The following DYNC1I1 variants were observed in gnomAD, a reference collection of about 807,000 sequenced individuals.
DYNC1I1 encodes the protein dynein cytoplasmic 1 intermediate chain 1.
DYNC1I1 carries 43 observed loss-of-function variants against 86.6 expected under a neutral mutation model. The ratio of observed to expected loss-of-function variants is 0.50; its 90% CI spans 0.39 to 0.64. DYNC1I1 has a LOEUF of 0.64. Among genes scored for constraint, DYNC1I1 ranks in the 30% least tolerant of loss-of-function variants. The pLI is 0.00. For missense variants in DYNC1I1, 604 were observed against 788.8 expected (o/e 0.77, Z 2.81); for synonymous variants, 262 against 283.7 (o/e 0.92, Z 0.77).
At chr7:95,803,799 A>G (rs1794638947) in intron 1 of DYNC1I1, among the ~76,000 whole-genome samples, 1 of 152,190 alleles carries the variant, frequency 6.6e-6, no homozygotes, top group Admixed American at 6.6e-5. Context: ...TCATTTCTCA[A>G]GGTTTCCATT....
chr7:95,949,453 T>C (rs756430409), intron 6 of DYNC1I1, among the ~76,000 whole-genome samples: 2 of 152,252 alleles, frequency 1.3e-5, no homozygotes, highest in Non-Finnish European at 2.9e-5. Flanking sequence ...GTGAATTTAC[T>C]GCACATTTAA....
exon 17 of DYNC1I1, chr7:96,109,980 G>T (rs1016038900): frequency 2.7e-6 from 1 of 367,880 alleles, no homozygotes; most frequent in Non-Finnish European, 5.4e-6. Context: ...TGGACACAGG[G>T]TCTTGCTATG....
In DYNC1I1 at chr7:95,882,035, A is replaced by G. The variant is rs554475331; in HGVS notation, c.490+12037A>G. On this transcript the variant is annotated intron_variant, in intron 6 of 16. Coordinates refer to ENST00000447467, the MANE Select transcript of DYNC1I1 (RefSeq NM_001135556.2). Reference sequence around the variant, plus strand: ...ATTCATATGTATTTTTTTTATCTTCAGCAGAACCATTTAAAATTTCCTTCC... The same window carrying G: ...ATTCATATGTATTTTTTTTATCTTCGGCAGAACCATTTAAAATTTCCTTCC... 6.6e-5 allele frequency among the ~76,000 whole-genome samples: 10 copies of G among 152,222 alleles called. No homozygotes were observed. In the South Asian group the frequency reaches 2.1e-3, roughly 32 times the overall value.
At chr7:95,792,281 A>G (rs954560496) in intron 1 of DYNC1I1, among the ~76,000 whole-genome samples, 6 of 152,150 alleles carry the variant, frequency 3.9e-5, no homozygotes, top group African/African-American at 1.4e-4. Flanking sequence ...TTGTGCTGGG[A>G]TTTAGACATG....
chr7:95,977,711 A>G (rs559687992), intron 7 of DYNC1I1, 110 bp downstream of exon 7: 8 of 878,042 alleles, frequency 9.1e-6, no homozygotes, highest in South Asian at 6.5e-5. Flanking sequence ...CATCCCCTAT[A>G]TGGAAGATTT....
intron 5 of DYNC1I1, among the ~76,000 whole-genome samples, chr7:95,843,788 G>A (rs532526943): frequency 2.6e-5 from 4 of 152,210 alleles, no homozygotes; most frequent in South Asian, 4.1e-4. Context: ...AAATACATAC[G>A]GAAGTACCAA....
At chr7:95,818,585 A>T in intron 4 of DYNC1I1, 1 of 619,942 alleles carries the variant, frequency 1.6e-6, no homozygotes, top group Non-Finnish European at 2.9e-6. Context: ...AAGTGGTGGG[A>T]TCCTCCTGCC....
chr7:95,946,017 C>T (rs1337173217), intron 6 of DYNC1I1, among the ~76,000 whole-genome samples: 2 of 152,050 alleles, frequency 1.3e-5, no homozygotes, highest in African/African-American at 4.8e-5. Context: ...ATGGATGGAG[C>T]TGGAAGCCAT....
rs575054800 is a variant in DYNC1I1 at position 95,887,323 on chromosome 7, T to G, written c.490+17325T>G. ...AATCAAAGAGGATTCTAAAAACTAC[T>G]TCATTCTCCTGACTCTACACTTTAT... On this transcript the variant is annotated intron_variant, in intron 6 of 16. Transcript: ENST00000447467. 1.5e-4 allele frequency among the ~76,000 whole-genome samples: 23 copies of G among 152,176 alleles called. 1 individual carries two copies. The highest frequency in any genetic ancestry group is 2.6e-4 in the Non-Finnish European group (18 of 68,038).
intron 9 of DYNC1I1, among the ~76,000 whole-genome samples, chr7:95,990,342 C>T (rs1793700541): frequency 1.3e-5 from 2 of 152,214 alleles, no homozygotes; most frequent in Non-Finnish European, 2.9e-5. Context: ...GCATCTTCCA[C>T]TCCTGCAGTC....
intron 6 of DYNC1I1, among the ~76,000 whole-genome samples, chr7:95,909,463 G>A (rs1027232369): frequency 3.9e-5 from 6 of 151,990 alleles, no homozygotes; most frequent in African/African-American, 1.2e-4. Context: ...CACTACAGCC[G>A]GGGTTTCAGG....
intron 16 of DYNC1I1, among the ~76,000 whole-genome samples, chr7:96,080,847 G>T (rs1334336360): frequency 2.6e-5 from 4 of 152,038 alleles, no homozygotes; most frequent in Non-Finnish European, 4.4e-5. Context: ...CGTGGCAGGT[G>T]GATCACGAGG....
intron 6 of DYNC1I1, among the ~76,000 whole-genome samples, chr7:95,886,261 C>A (rs544771304): frequency 6.6e-6 from 1 of 152,194 alleles, no homozygotes; most frequent in East Asian, 1.9e-4. Context: ...CATGGTGAAA[C>A]CCCGTCTCTA....
chr7:95,936,586 T>G (rs1045625478), intron 6 of DYNC1I1, among the ~76,000 whole-genome samples: 1 of 151,416 alleles, frequency 6.6e-6, no homozygotes, highest in African/African-American at 2.4e-5. Flanking sequence ...GAGAAGAAAA[T>G]TACCAAAAAA....
At chr7:95,898,739 C>A (rs1180237715) in intron 6 of DYNC1I1, among the ~76,000 whole-genome samples, 1 of 152,128 alleles carries the variant, frequency 6.6e-6, no homozygotes, top group Non-Finnish European at 1.5e-5. Flanking sequence ...ATTGTGAGTT[C>A]ATCTTCTTTA....
At chr7:95,886,927 A>T (rs1401083757) in intron 6 of DYNC1I1, among the ~76,000 whole-genome samples, 2 of 152,182 alleles carry the variant, frequency 1.3e-5, no homozygotes, top group Non-Finnish European at 2.9e-5. Flanking sequence ...CTCAATCTGT[A>T]TGAGCTCAGT....
intron 1 of DYNC1I1, among the ~76,000 whole-genome samples, chr7:95,774,286 T>C (rs922521989): frequency 3.9e-5 from 6 of 152,150 alleles, no homozygotes; most frequent in African/African-American, 1.4e-4. Flanking sequence ...AGCATTTTAC[T>C]TTGTCTTCCT....
chr7:96,022,475 A>T (rs1794577008), intron 10 of DYNC1I1, among the ~76,000 whole-genome samples: 1 of 152,116 alleles, frequency 6.6e-6, no homozygotes. Context: ...TAATGGGGTG[A>T]TAACTTTTGA....
intron 6 of DYNC1I1, among the ~76,000 whole-genome samples, chr7:95,926,486 T>C (rs928315137): frequency 5.9e-5 from 9 of 152,184 alleles, no homozygotes; most frequent in African/African-American, 1.9e-4. Context: ...ACTGAAATGG[T>C]TACAAAAAAT....
Sources: gnomAD v4.1 joint callset for allele counts (sites outside exome capture counted in the v4.1 genomes callset) on GRCh38, gnomAD v4.1.1 for gene constraint, MANE v1.5 for transcripts, NCBI Gene and HGNC (gene_info 2026-07-23, HGNC 2026-07-21) for gene names.